The following PCDH17 variants were observed in gnomAD, a reference collection of about 807,000 sequenced individuals.
The protein encoded by PCDH17 is protocadherin 17, also known as protocadherin-17.
A neutral mutation model predicts 67.7 loss-of-function variants in PCDH17; 21 were observed. The observed-to-expected ratio is 0.31, with a 90% CI of 0.22 to 0.45. The LOEUF (loss-of-function observed/expected upper bound fraction) is 0.45, where lower values mean the gene tolerates loss of function less well. Among genes scored for constraint, PCDH17 ranks in the 20% least tolerant of loss-of-function variants. The probability of loss-of-function intolerance (pLI) is 1.00; values close to 1 mark genes in which losing one functional copy is unlikely to be tolerated. For missense variants in PCDH17, 1,471 were observed against 1,564.8 expected, an observed-to-expected ratio of 0.94 and a Z score of 1.01; for synonymous variants, 701 against 656.7, an observed-to-expected ratio of 1.07 and a Z score of -1.03.
Position 57,634,114 on chromosome 13 carries a change from C to T in PCDH17, c.1568C>T (p.Thr523Ile). ...PSHIGDVSIYTYVSVNPTNGA... is the reference protein window; with the variant it reads ...PSHIGDVSIYIYVSVNPTNGA... ...CACATCGGCGACGTGTCTATCTACACCTATGTGTCTGTGAATCCCACGAAC... is the reference window on the plus strand; with the variant it reads ...CACATCGGCGACGTGTCTATCTACATCTATGTGTCTGTGAATCCCACGAAC... Residue 523 changes from threonine to isoleucine, a missense_variant, in exon 1 of 4, where the codon ACC becomes ATC. By Grantham distance (89) the Thr-to-Ile change is moderately conservative. Transcript: ENST00000377918. The surrounding 1 kb of genome is among the most constrained non-coding windows in gnomAD (Gnocchi z 7.8). 6.2e-7 allele frequency: 1 copy of T among 1,613,670 alleles called. No individual in the cohort carries two copies. The highest frequency in any genetic ancestry group is 8.5e-7 in the Non-Finnish European group (1 of 1,180,032).
intron 3 of PCDH17, among the ~76,000 whole-genome samples, chr13:57,717,193 C>T (rs1955825408): frequency 6.6e-6 from 1 of 151,900 alleles, no homozygotes; most frequent in East Asian, 1.9e-4. Flanking sequence ...GCTGTGCCTA[C>T]AGAAGGGAAT....
At chr13:57,680,545 G>T (rs958187104) in intron 3 of PCDH17, among the ~76,000 whole-genome samples, 4 of 151,480 alleles carry the variant, frequency 2.6e-5, no homozygotes, top group Non-Finnish European at 5.9e-5. Context: ...TTTATTTTCA[G>T]TGTGGTTACC....
In PCDH17 at chr13:57,723,033, C is replaced by T. The variant is rs74525677; in HGVS notation, c.2798-1579C>T. Among the ~76,000 whole-genome samples, 60 of 152,258 alleles carry T rather than the reference C, an allele frequency of 3.9e-4. No individual in the cohort carries two copies. The East Asian group carries it at 0.011, about 27-fold the overall frequency. On this transcript the variant is annotated intron_variant, in intron 3 of 3. Coordinates refer to ENST00000377918, the MANE Select transcript of PCDH17 (RefSeq NM_001040429.3). ...TCTTCATGTCTGTCTAACAGTCTTT[C>T]GATTTGTAGATAGTATTTGCGTCTG...
At chr13:57,674,238 T>C (rs1817778997) in intron 3 of PCDH17, among the ~76,000 whole-genome samples, 1 of 152,034 alleles carries the variant, frequency 6.6e-6, no homozygotes, top group Admixed American at 6.6e-5. Flanking sequence ...AATTATTGTA[T>C]CTTTCAAGTA....
chr13:57,653,163 T>C (rs1237115873), intron 1 of PCDH17, among the ~76,000 whole-genome samples: 1 of 152,258 alleles, frequency 6.6e-6, no homozygotes, highest in East Asian at 1.9e-4. Context: ...TTAATTTTAT[T>C]AAATTTATTT....
chr13:57,660,046 G>T (rs979261814), intron 1 of PCDH17, among the ~76,000 whole-genome samples: 2 of 151,888 alleles, frequency 1.3e-5, no homozygotes, highest in African/African-American at 4.8e-5. Context: ...CGAGACTAGG[G>T]CAACTTGGCA....
intron 1 of PCDH17, among the ~76,000 whole-genome samples, chr13:57,660,900 G>A (rs1438339644): frequency 6.6e-6 from 1 of 152,112 alleles, no homozygotes; most frequent in African/African-American, 2.4e-5. Flanking sequence ...TTACACTTAT[G>A]TATGAATATG....
intron 3 of PCDH17, among the ~76,000 whole-genome samples, chr13:57,714,437 C>T (rs1955801598): frequency 6.6e-6 from 1 of 151,618 alleles, no homozygotes; most frequent in South Asian, 2.1e-4. Flanking sequence ...AGGAGGATGA[C>T]TTGAATCTTA....
chr13:57,660,384 C>T (rs1287149794), intron 1 of PCDH17, among the ~76,000 whole-genome samples: 1 of 152,020 alleles, frequency 6.6e-6, no homozygotes, highest in Non-Finnish European at 1.5e-5. Flanking sequence ...CAGAAATTGG[C>T]TCAGTATCAT....
At chr13:57,693,683 T>A (rs1955581333) in intron 3 of PCDH17, among the ~76,000 whole-genome samples, 1 of 150,880 alleles carries the variant, frequency 6.6e-6, no homozygotes, top group African/African-American at 2.4e-5. Context: ...ATCTCTTTTA[T>A]AAAAGATTAA....
chr13:57,674,465 GAC>G (rs1324190328), intron 3 of PCDH17, among the ~76,000 whole-genome samples: 1 of 151,632 alleles, frequency 6.6e-6, no homozygotes, highest in Admixed American at 6.6e-5. Flanking sequence ...TAGGACTACA[GAC>G]ACACACACCA....
intron 3 of PCDH17, among the ~76,000 whole-genome samples, chr13:57,711,560 T>C (rs1223407659): frequency 6.6e-6 from 1 of 151,842 alleles, no homozygotes; most frequent in Non-Finnish European, 1.5e-5. Flanking sequence ...TGTGACAAAT[T>C]TGAAGTTATC....
At chr13:57,694,121 A>C (rs531330057) in intron 3 of PCDH17, among the ~76,000 whole-genome samples, 2 of 151,204 alleles carry the variant, frequency 1.3e-5, no homozygotes, top group African/African-American at 4.8e-5. Context: ...GATTTGGCAA[A>C]GTTGAGTATT....
chr13:57,689,944 CTAAT>C (rs1459799201), intron 3 of PCDH17, among the ~76,000 whole-genome samples: 14 of 151,588 alleles, frequency 9.2e-5, no homozygotes, highest in Non-Finnish European at 1.6e-4. Context: ...AATAAGATCT[CTAAT>C]TATTTTCTTA....
intron 3 of PCDH17, among the ~76,000 whole-genome samples, chr13:57,708,145 G>A (rs1955738258): frequency 6.6e-6 from 1 of 151,948 alleles, no homozygotes. Flanking sequence ...TATTTTGAAT[G>A]TATCTAAAAT....
At chr13:57,686,262 A>G (rs1181504922) in intron 3 of PCDH17, among the ~76,000 whole-genome samples, 3 of 151,990 alleles carry the variant, frequency 2.0e-5, no homozygotes, top group African/African-American at 7.2e-5. Context: ...ATAAATCTAA[A>G]ACAATTCAAA....
chr13:57,640,596 C>T (rs185121854), intron 1 of PCDH17, among the ~76,000 whole-genome samples: 67 of 152,096 alleles, frequency 4.4e-4, no homozygotes, highest in Non-Finnish European at 8.2e-4. Flanking sequence ...TAAAATAGAG[C>T]TAGTGACCCT....
chr13:57,688,166 G>A (rs1236059174), intron 3 of PCDH17, among the ~76,000 whole-genome samples: 1 of 151,550 alleles, frequency 6.6e-6, no homozygotes, highest in Non-Finnish European at 1.5e-5. Flanking sequence ...AATATTTGGG[G>A]CATGGTGGTG....
chr13:57,727,387 CA>C lies in PCDH17; in HGVS notation c.*2097del, dbSNP rs1318855912. On this transcript the variant is annotated 3_prime_UTR_variant, in exon 4 of 4. Coordinates refer to ENST00000377918, the MANE Select transcript of PCDH17 (RefSeq NM_001040429.3). ...AAAATTCTTATATTTAAAACAAAAA[CA>C]AAAGCAAAAACAAACATTGAATTAA... The C allele has an allele frequency of 6.6e-6, 1 of 152,482 alleles. No homozygotes were observed. Among genetic ancestry groups the C allele is most frequent in the Non-Finnish European group, 1.5e-5 (1 of 67,970 alleles). 9.4% of individuals were successfully genotyped at this position (152,482 alleles called of 1,614,324 possible). A position where few individuals can be genotyped will look rare whatever the true frequency, so the allele number is the denominator to read the frequency against.
Sources: gnomAD v4.1 joint callset for allele counts (sites outside exome capture counted in the v4.1 genomes callset) on GRCh38, gnomAD v4.1.1 for gene constraint, Gnocchi (gnomAD v3.1) non-coding constraint, MANE v1.5 for transcripts, NCBI Gene and HGNC (gene_info 2026-07-23, HGNC 2026-07-21) for gene names.